HSPH1: variants seen among roughly 807,000 people sequenced by gnomAD.
The protein encoded by HSPH1 is heat shock protein family H (Hsp110) member 1.
A neutral mutation model predicts 100.0 loss-of-function variants in HSPH1; 40 were observed. The observed-to-expected ratio is 0.40, with a 90% CI of 0.31 to 0.52. The LOEUF is 0.52. Ranked by LOEUF, HSPH1 falls within the 20% of genes least tolerant of loss-of-function variation. The pLI is 0.54. For missense variants in HSPH1, 876 were observed against 1,015.1 expected, an observed-to-expected ratio of 0.86 and a Z score of 1.86; for synonymous variants, 403 against 344.0, an observed-to-expected ratio of 1.17 and a Z score of -1.90.
At chr13:31,158,102 C>T (rs190810868) in intron 2 of HSPH1, among the ~76,000 whole-genome samples, 2 of 152,232 alleles carry the variant, frequency 1.3e-5, no homozygotes, top group Non-Finnish European at 2.9e-5. Flanking sequence ...TACTAAGTAA[C>T]CTGAAAATGC....
chr13:31,161,760 A>AC lies in HSPH1; in HGVS notation c.-179dup. The AC allele has an allele frequency of 6.6e-7, 1 of 1,525,260 alleles. No homozygotes were observed. Among genetic ancestry groups the AC allele is most frequent in the Middle Eastern group, 1.8e-4 (1 of 5,686 alleles). The allele number at this position is 1,525,260 out of a possible 1,614,324, so 94.5% of individuals were successfully genotyped here. On this transcript the variant is annotated 5_prime_UTR_variant, in exon 1 of 18. Transcript: ENST00000320027. ...AGCCGCGGCCTGTCAGGAGCCTCCT[A>AC]CTCCCCCGGGGACAGCGGCGGCTGG...
At chr13:31,160,648 T>C (rs916665749) in intron 1 of HSPH1, among the ~76,000 whole-genome samples, 2 of 152,250 alleles carry the variant, frequency 1.3e-5, no homozygotes, top group African/African-American at 4.8e-5. Flanking sequence ...TCCTATAGAA[T>C]ATTTAGTTCA....
At chr13:31,153,314 AGG>A (rs1428691671) in intron 4 of HSPH1, among the ~76,000 whole-genome samples, 2 of 152,232 alleles carry the variant, frequency 1.3e-5, no homozygotes, top group Admixed American at 6.5e-5. Context: ...TACTGGCATT[AGG>A]AAATTATAAT....
At position 31,155,137 on chromosome 13, in the gene HSPH1, T is replaced by TG. The variant is rs1433446475; in HGVS notation, c.306+376dup. On this transcript the variant is annotated intron_variant, in intron 3 of 17. Transcript: ENST00000320027. Reference sequence around the variant, plus strand: ...GTTGATCACAAGACAGGAATACCTCTGCAAGTTTAAAAAAAGATTCCTGGT... The same window carrying TG: ...GTTGATCACAAGACAGGAATACCTCTGGCAAGTTTAAAAAAAGATTCCTGGT... Among the ~76,000 whole-genome samples, 6 of 152,270 alleles carry TG rather than the reference T, an allele frequency of 3.9e-5. No homozygotes were observed. The East Asian group carries it at 1.2e-3, about 29-fold the overall frequency.
chr13:31,138,510 T>A lies in HSPH1; in HGVS notation c.2267A>T (p.Asn756Ile), dbSNP rs1287373546. Reference sequence around the variant, plus strand: ...ATTATTCATCCATTCCATCACTTCATTAACAGACTTCTCCACTTTTTTCAT... The same window carrying A: ...ATTATTCATCCATTCCATCACTTCAATAACAGACTTCTCCACTTTTTTCAT... Reference protein sequence around the residue: ...SEMKKVEKSVNEVMEWMNNVM... With the variant: ...SEMKKVEKSVIEVMEWMNNVM... The change falls in exon 17 of 18, where the codon AAT (asparagine) becomes ATT (isoleucine). Residue 756 changes from asparagine to isoleucine, a missense_variant. Physicochemically the swap from Asn to Ile is moderately radical, Grantham distance 149 (BLOSUM62 -3). Coordinates refer to ENST00000320027, the MANE Select transcript of HSPH1 (RefSeq NM_006644.4). 6.2e-7 allele frequency: 1 copy of A among 1,613,082 alleles called. No individual in the cohort carries two copies. The highest frequency in any genetic ancestry group is 1.3e-5 in the African/African-American group (1 of 74,886).
intron 11 of HSPH1, among the ~76,000 whole-genome samples, chr13:31,144,147 A>G (rs894148336): frequency 6.6e-6 from 1 of 152,182 alleles, no homozygotes; most frequent in Non-Finnish European, 1.5e-5. Context: ...ATATCGTTAA[A>G]TAACACAAGT....
At chr13:31,154,913 G>A (rs900912357) in intron 3 of HSPH1, among the ~76,000 whole-genome samples, 158 bp from the exon 4 acceptor site, 9 of 151,982 alleles carry the variant, frequency 5.9e-5, no homozygotes, top group African/African-American at 2.2e-4. Flanking sequence ...AAAAAGGGAA[G>A]GGGAAGGAGG....
At chr13:31,141,340 T>C (rs2137547352) in intron 12 of HSPH1, 81 bp from the exon 13 acceptor site, 1 of 1,184,910 alleles carries the variant, frequency 8.4e-7, no homozygotes, top group Non-Finnish European at 1.2e-6. Flanking sequence ...TCATACTTAC[T>C]GATGACTTGG....
In HSPH1 at chr13:31,161,469, C is replaced by T. The variant is rs749175360; in HGVS notation, c.107+7G>A. On this transcript the variant is annotated splice_region_variant and intron_variant, in intron 1 of 17. Transcript: ENST00000320027. ...CCTCCCATCCACCCTCGCAGACTCC[C>T]ACTTACGGGGTGCACCGGTCGCTGA... is the stretch of plus-strand genomic sequence containing the variant. 4 of 1,613,904 alleles carry T rather than the reference C, an allele frequency of 2.5e-6. No homozygotes were observed. Among genetic ancestry groups the T allele is most frequent in the African/African-American group, 2.7e-5 (2 of 74,920 alleles).
At position 31,150,984 on chromosome 13, in the gene HSPH1, A is replaced by C; in HGVS notation, c.871T>G (p.Phe291Val). 1 of 1,613,236 alleles carries C rather than the reference A, an allele frequency of 6.2e-7. No homozygotes were observed. The highest frequency in any genetic ancestry group is 8.5e-7 in the Non-Finnish European group (1 of 1,179,642). The change falls in exon 7 of 18, where the codon TTT becomes GTT. Residue 291 changes from phenylalanine to valine, a missense_variant. Physicochemically the swap from Phe to Val is conservative, Grantham distance 50. Coordinates refer to ENST00000320027, the MANE Select transcript of HSPH1 (RefSeq NM_006644.4). ...CCGGAAACATCTTTATCATTCATAA[A>C]GCATTCGATATTCAGTGGAAGGTCT... ...STDLPLNIEC[F>V]MNDKDVSGKM...
intron 10 of HSPH1, 83 bp from the exon 11 acceptor site, chr13:31,145,851 G>T (rs1956248552): frequency 7.7e-7 from 1 of 1,295,480 alleles, no homozygotes; most frequent in Non-Finnish European, 1.1e-6. Context: ...CCAGGTGGGT[G>T]GTTCATGTCT....
chr13:31,136,144 T>C lies in HSPH1; in HGVS notation c.*1174A>G, dbSNP rs1390337412. 2.0e-5 allele frequency: 3 copies of C among 152,248 alleles called. No individual in the cohort carries two copies. Among genetic ancestry groups the C allele is most frequent in the Admixed American group, 1.3e-4 (2 of 15,290 alleles). 9.4% of individuals were successfully genotyped at this position (152,248 alleles called of 1,614,324 possible). On this transcript the variant is annotated 3_prime_UTR_variant, in exon 18 of 18. Transcript: ENST00000320027. ...CTTACAAAACAACCAGATAGATTCA[T>C]TGCAGCATTATTTAGAACAGCAAAA...
rs756338110 is a variant in HSPH1 at position 31,148,097 on chromosome 13, A to G, written c.1245-5T>C. ...CGACTAAAGACTTCATGAACACTAG[A>G]GAGAAAAGAAAAAGGCATTCAGCAG... On this transcript the variant is annotated splice_region_variant and splice_polypyrimidine_tract_variant and intron_variant, in intron 9 of 17. Coordinates refer to ENST00000320027, the MANE Select transcript of HSPH1 (RefSeq NM_006644.4). 1.2e-6 allele frequency: 2 copies of G among 1,603,330 alleles called. No individual in the cohort carries two copies. The highest frequency in any genetic ancestry group is 3.5e-5 in the Admixed American group (2 of 57,064).
chr13:31,146,951 A>G (rs886839489), intron 10 of HSPH1, among the ~76,000 whole-genome samples: 7 of 152,210 alleles, frequency 4.6e-5, no homozygotes, highest in Non-Finnish European at 8.8e-5. Flanking sequence ...TTTAATTACA[A>G]TGTCACTGAA....
At position 31,154,686 on chromosome 13, in the gene HSPH1, T is replaced by G; in HGVS notation, c.376A>C (p.Lys126Gln). The G allele has an allele frequency of 6.2e-7, 1 of 1,614,040 alleles. No individual in the cohort carries two copies. The highest frequency in any genetic ancestry group is 8.5e-7 in the Non-Finnish European group (1 of 1,179,902). The part of the protein sequence containing the change: ...QITAMLLTKL[K>Q]ETAENSLKKP... ...TTGAGGCTGTTTTCAGCAGTTTCCT[T>G]CAGCTTAGTCAACAACATGGCTGTT... The change falls in exon 4 of 18, where the codon AAG (lysine) becomes CAG (glutamine). Residue 126 changes from lysine to glutamine, a missense_variant. By Grantham distance (53) the Lys-to-Gln change is moderately conservative. Transcript: ENST00000320027.
At chr13:31,145,002 T>C (rs372734630) in intron 11 of HSPH1, among the ~76,000 whole-genome samples, 1 of 152,290 alleles carries the variant, frequency 6.6e-6, no homozygotes, top group East Asian at 1.9e-4. Flanking sequence ...TGTAATACTT[T>C]AGCTTCCTAA....
Position 31,135,794 on chromosome 13 carries a change from A to G in HSPH1, c.*1524T>C, listed in dbSNP as rs1422728058. ...GATATTACTCCGTGATGTGTGGAGC[A>G]CAGAGTAGCTAAATAGTACTTATAA... On this transcript the variant is annotated 3_prime_UTR_variant, in exon 18 of 18. Coordinates refer to ENST00000320027, the MANE Select transcript of HSPH1 (RefSeq NM_006644.4). 2 of 152,222 alleles carry G rather than the reference A, an allele frequency of 1.3e-5. No individual in the cohort carries two copies. The highest frequency in any genetic ancestry group is 1.9e-4 in the East Asian group (1 of 5,194). The allele number at this position is 152,222 out of a possible 1,614,324, so 9.4% of individuals were successfully genotyped here.
upstream of HSPH1, chr13:31,162,024 T>C (rs1956944199): frequency 7.8e-6 from 12 of 1,535,946 alleles, no homozygotes; most frequent in African/African-American, 1.4e-5. Context: ...TCCGCTTCCT[T>C]CTTCTCGAGC....
In HSPH1 at chr13:31,135,799, G is replaced by C. The variant is rs1955868832; in HGVS notation, c.*1519C>G. 6.6e-6 allele frequency: 1 copy of C among 152,220 alleles called. No individual in the cohort carries two copies. Among genetic ancestry groups the C allele is most frequent in the East Asian group, 1.9e-4 (1 of 5,190 alleles). The allele number at this position is 152,220 out of a possible 1,614,324, so 9.4% of individuals were successfully genotyped here. The stretch of plus-strand genomic sequence containing the variant: ...TACTCCGTGATGTGTGGAGCACAGA[G>C]TAGCTAAATAGTACTTATAATAAAT... On this transcript the variant is annotated 3_prime_UTR_variant, in exon 18 of 18. Transcript: ENST00000320027.
Sources: allele counts gnomAD v4.1 joint callset (sites outside exome capture counted in the v4.1 genomes callset), GRCh38; gene constraint gnomAD v4.1.1; transcripts MANE v1.5; gene names NCBI Gene and HGNC (gene_info 2026-07-23, HGNC 2026-07-21).